NSD3: variants seen among roughly 807,000 people sequenced by gnomAD.
The protein encoded by NSD3 is nuclear receptor binding SET domain protein 3.
In NSD3, 24 loss-of-function variants were observed where a neutral mutation model predicts 160.8. The ratio of observed to expected loss-of-function variants is 0.15; its 90% CI spans 0.11 to 0.21. NSD3 has a LOEUF of 0.21. Ranked by LOEUF, NSD3 falls within the 10% of genes least tolerant of loss-of-function variation. The pLI is 1.00. For synonymous variants in NSD3, 520 were observed against 600.0 expected, an observed-to-expected ratio of 0.87 and a Z score of 1.95; for missense variants, 1,157 against 1,735.9, an observed-to-expected ratio of 0.67 and a Z score of 5.93.
intron 1 of NSD3, chr8:38,364,005 C>G (rs1271608366): frequency 6.6e-6 from 1 of 152,046 alleles, no homozygotes; most frequent in Non-Finnish European, 1.5e-5. Flanking sequence ...GGCGCGGTGG[C>G]TCATGCCTGT....
chr8:38,365,576 G>A (rs771200623), intron 1 of NSD3, among the ~76,000 whole-genome samples: 28 of 152,068 alleles, frequency 1.8e-4, no homozygotes, highest in Non-Finnish European at 3.7e-4. Context: ...AGGTTCAAGC[G>A]ATTCTCCTGC....
intron 22 of NSD3, 27 bp from the exon 23 acceptor site, chr8:38,276,527 T>G: frequency 6.2e-7 from 1 of 1,612,954 alleles, no homozygotes; most frequent in Non-Finnish European, 8.5e-7. Context: ...GATCATAGTT[T>G]CAAACATCAC....
chr8:38,371,329 T>C (rs1811238762), intron 1 of NSD3, among the ~76,000 whole-genome samples: 1 of 152,164 alleles, frequency 6.6e-6, no homozygotes. Flanking sequence ...ACTAGTCACT[T>C]TGGAGAAGTT....
chr8:38,368,366 A>C (rs1228268702), intron 1 of NSD3, among the ~76,000 whole-genome samples: 1 of 152,202 alleles, frequency 6.6e-6, no homozygotes, highest in Non-Finnish European at 1.5e-5. Flanking sequence ...TTTCCACTAA[A>C]AATTTAGAGA....
In NSD3 at chr8:38,275,002, G is replaced by A. The variant is rs1164017576; in HGVS notation, c.*639C>T. On this transcript the variant is annotated 3_prime_UTR_variant, in exon 24 of 24. Coordinates refer to ENST00000317025, the MANE Select transcript of NSD3 (RefSeq NM_023034.2). Reference sequence around the variant, plus strand: ...AAAGCCCACCTTGTTTAAGACCACAGAGGTAAAATCCACCGAGGCATTGTT... The same window carrying A: ...AAAGCCCACCTTGTTTAAGACCACAAAGGTAAAATCCACCGAGGCATTGTT... The A allele has an allele frequency of 4.5e-6, 1 of 220,060 alleles. No individual in the cohort carries two copies. Among genetic ancestry groups the A allele is most frequent in the African/African-American group, 2.2e-5 (1 of 44,668 alleles). The allele number at this position is 220,060 out of a possible 1,614,324, so 13.6% of individuals were successfully genotyped here.
intron 2 of NSD3, among the ~76,000 whole-genome samples, chr8:38,342,242 A>G (rs1414641333): frequency 6.6e-6 from 1 of 152,188 alleles, no homozygotes; most frequent in Non-Finnish European, 1.5e-5. Context: ...TATCTATTAT[A>G]AAATGTACGT....
rs895512368 is a variant in NSD3 at position 38,342,996 on chromosome 8, A to G, written c.676-4389T>C. On this transcript the variant is annotated intron_variant, in intron 2 of 23. Transcript: ENST00000317025. Reference sequence around the variant, plus strand: ...CACTTGAGGTCAGGAGTTCAAGATCAGCCTGGCCAACATGGCGAAACCCCG... The same window carrying G: ...CACTTGAGGTCAGGAGTTCAAGATCGGCCTGGCCAACATGGCGAAACCCCG... 5.3e-5 allele frequency among the ~76,000 whole-genome samples: 8 copies of G among 151,688 alleles called. No homozygotes were observed. The East Asian group carries it at 1.6e-3, about 30-fold the overall frequency.
rs1319616246 is a variant in NSD3 at position 38,318,755 on chromosome 8, A to G, written c.1855+140T>C. ...ACTCTAAAAGTCACACACACACACG[A>G]ACACTGGGGAATACTGCAATTTCAC... On this transcript the variant is annotated intron_variant, in intron 9 of 23. Coordinates refer to ENST00000317025, the MANE Select transcript of NSD3 (RefSeq NM_023034.2). This position sits in a 1 kb window ranked among gnomAD's most constrained non-coding sequence, Gnocchi z 5.3. 4.0e-6 allele frequency: 3 copies of G among 748,818 alleles called. No individual in the cohort carries two copies. The East Asian group carries it at 8.0e-5, about 20-fold the overall frequency. The allele number at this position is 748,818 out of a possible 1,614,324, so 46.4% of individuals were successfully genotyped here.
chr8:38,295,658 T>G, intron 16 of NSD3, 138 bp downstream of exon 16: 3 of 783,434 alleles, frequency 3.8e-6, no homozygotes, highest in Non-Finnish European at 5.9e-6. Context: ...CCTCAAAACA[T>G]GGTTCTTTTC....
At chr8:38,360,622 T>A (rs934440240) in intron 1 of NSD3, among the ~76,000 whole-genome samples, 12 of 152,216 alleles carry the variant, frequency 7.9e-5, no homozygotes, top group African/African-American at 2.9e-4. Context: ...CATTTTAGTA[T>A]GTAAAACAAA....
At chr8:38,379,991 T>C (rs901334417) in intron 1 of NSD3, among the ~76,000 whole-genome samples, 1 of 152,158 alleles carries the variant, frequency 6.6e-6, no homozygotes, top group Non-Finnish European at 1.5e-5. Flanking sequence ...GTTACTGTAG[T>C]TTCCTGAGAG....
chr8:38,357,554 T>G (rs1810855347), intron 1 of NSD3, among the ~76,000 whole-genome samples: 1 of 152,200 alleles, frequency 6.6e-6, no homozygotes, highest in African/African-American at 2.4e-5. Context: ...TAACCATCTT[T>G]TGAGCTCAGA....
rs764548951 is a variant in NSD3, at chr8:38,315,939, G to A, written c.1959C>T (p.Ser653=). 207 of 1,613,534 alleles carry A rather than the reference G, an allele frequency of 1.3e-4. No individual in the cohort carries two copies. The highest frequency in any genetic ancestry group is 1.6e-4 in the Non-Finnish European group (185 of 1,179,932). ...TSSAYRDTSD[S]DSRGLSDLQV... The stretch of plus-strand genomic sequence containing the variant: ...GCAGGTCACTCAGTCCTCTAGAATC[G>A]GAGTCAGATGTGTCTCTGTATGCTG... Residue 653 remains serine (S), a synonymous_variant, in exon 10 of 24, where the codon TCC becomes TCT. Coordinates refer to ENST00000317025, the MANE Select transcript of NSD3 (RefSeq NM_023034.2).
At chr8:38,295,538 A>G (rs1311454898) in intron 16 of NSD3, among the ~76,000 whole-genome samples, 1 of 152,186 alleles carries the variant, frequency 6.6e-6, no homozygotes, top group Non-Finnish European at 1.5e-5. Context: ...AGCCTTGGTG[A>G]TAGAGCCAAA....
chr8:38,314,846 A>G, intron 11 of NSD3, 73 bp from the exon 12 acceptor site: 1 of 1,508,826 alleles, frequency 6.6e-7, no homozygotes, highest in Non-Finnish European at 9.0e-7. Flanking sequence ...CTTGTTAAAC[A>G]CAAATTACCG....
At chr8:38,278,767 A>G (rs1430466318) in intron 21 of NSD3, among the ~76,000 whole-genome samples, 1 of 152,208 alleles carries the variant, frequency 6.6e-6, no homozygotes, top group Non-Finnish European at 1.5e-5. Context: ...CTAAATGAAC[A>G]ATATGACCAT....
At chr8:38,325,761 G>C (rs1333182304) in intron 7 of NSD3, among the ~76,000 whole-genome samples, 1 of 151,996 alleles carries the variant, frequency 6.6e-6, no homozygotes, top group African/African-American at 2.4e-5. Context: ...GGAGGCTGAG[G>C]TGAGAGGATC....
chr8:38,359,730 C>G (rs1212746143), intron 1 of NSD3, among the ~76,000 whole-genome samples: 1 of 152,116 alleles, frequency 6.6e-6, no homozygotes, highest in African/African-American at 2.4e-5. Flanking sequence ...CAAAACGGAT[C>G]CTGCTTGAAA....
At chr8:38,358,216 A>G (rs1215972161) in intron 1 of NSD3, among the ~76,000 whole-genome samples, 1 of 152,208 alleles carries the variant, frequency 6.6e-6, no homozygotes, top group Non-Finnish European at 1.5e-5. Flanking sequence ...TTGTTCTAGT[A>G]AACATAATCA....
Sources: allele counts gnomAD v4.1 joint callset (sites outside exome capture counted in the v4.1 genomes callset), GRCh38; gene constraint gnomAD v4.1.1; non-coding constraint Gnocchi (gnomAD v3.1); transcripts MANE v1.5; gene names NCBI Gene and HGNC (gene_info 2026-07-23, HGNC 2026-07-21).